The following CDH12 variants were observed in gnomAD, a reference collection of about 807,000 sequenced individuals.
CDH12 encodes the protein cadherin-12.
CDH12 carries 41 observed loss-of-function variants against 74.1 expected under a neutral mutation model. That is an observed-to-expected ratio of 0.55 (90% CI 0.43 to 0.72). The LOEUF is 0.72. Ranked by LOEUF, CDH12 falls within the 30% of genes least tolerant of loss-of-function variation. The pLI is 0.00. For synonymous variants in CDH12, 399 were observed against 355.0 expected, an observed-to-expected ratio of 1.12 and a Z score of -1.39; for missense variants, 945 against 977.2, an observed-to-expected ratio of 0.97 and a Z score of 0.44.
chr5:22,333,742 T>G (rs949238553), intron 3 of CDH12, among the ~76,000 whole-genome samples: 1 of 152,210 alleles, frequency 6.6e-6, no homozygotes, highest in African/African-American at 2.4e-5. Flanking sequence ...AACGATACAC[T>G]AGCAAACTGA....
intron 11 of CDH12, among the ~76,000 whole-genome samples, chr5:21,768,285 T>C (rs1232974549): frequency 1.3e-5 from 2 of 151,838 alleles, no homozygotes; most frequent in East Asian, 3.8e-4. Context: ...TCTATGTTTG[T>C]CCCTTATACC....
intron 5 of CDH12, among the ~76,000 whole-genome samples, chr5:21,988,134 T>TC (rs1757591532): frequency 6.6e-6 from 1 of 151,860 alleles, no homozygotes; most frequent in African/African-American, 2.4e-5. Flanking sequence ...ACTCCCCTCC[T>TC]CCCCCCATAT....
chr5:22,440,900 A>G (rs916056587), intron 2 of CDH12, among the ~76,000 whole-genome samples: 6 of 152,194 alleles, frequency 3.9e-5, no homozygotes, highest in African/African-American at 1.4e-4. Context: ...GGAAATACGG[A>G]CATTTTAAGC....
rs6887102 is a variant in CDH12 at position 22,119,150 on chromosome 5, C to T, written c.-186-40288G>A. Among the ~76,000 whole-genome samples the T allele has an allele frequency of 7.7e-3, 1,173 of 152,224 alleles. 16 individuals carry two copies. The highest frequency in any genetic ancestry group is 0.027 in the African/African-American group (1,113 of 41,540). The stretch of plus-strand genomic sequence containing the variant: ...ATTTCGTTGTCAGGAGTCAGGCAAA[C>T]ACTAAACCTTGCTCAGTTTAAGTCC... On this transcript the variant is annotated intron_variant, in intron 4 of 14. Transcript: ENST00000382254.
At chr5:22,188,163 G>A (rs1243058762) in intron 4 of CDH12, among the ~76,000 whole-genome samples, 1 of 151,644 alleles carries the variant, frequency 6.6e-6, no homozygotes, top group Non-Finnish European at 1.5e-5. Flanking sequence ...GGATGGCTTG[G>A]TGCTGTGATC....
intron 1 of CDH12, among the ~76,000 whole-genome samples, chr5:22,732,392 G>A (rs571437046): frequency 2.0e-5 from 3 of 151,054 alleles, no homozygotes; most frequent in South Asian, 2.1e-4. Flanking sequence ...TAGGTGTTTC[G>A]ACTTCAACAT....
chr5:22,224,134 C>T lies in CDH12; in HGVS notation c.-332-11491G>A, dbSNP rs545127629. Among the ~76,000 whole-genome samples, 7 of 152,036 alleles carry T rather than the reference C, an allele frequency of 4.6e-5. No individual in the cohort carries two copies. In the East Asian group the frequency reaches 1.2e-3, roughly 25 times the overall value. On this transcript the variant is annotated intron_variant, in intron 3 of 14. Coordinates refer to ENST00000382254, the MANE Select transcript of CDH12 (RefSeq NM_004061.5). ...TCCGTAAATTAAGTGTTAGGAAGTG[C>T]CTTATCTGGAACAGAAAACCAGCAA...
chr5:22,713,991 C>T (rs573730386), intron 1 of CDH12, among the ~76,000 whole-genome samples: 2 of 152,282 alleles, frequency 1.3e-5, no homozygotes, highest in African/African-American at 2.4e-5. Flanking sequence ...ACCTTGTTGT[C>T]CTTGTCCTAT....
rs114991153 is a variant in CDH12 at position 22,565,314 on chromosome 5, A to C, written c.-522-59950T>G. 7.0e-3 allele frequency among the ~76,000 whole-genome samples: 1,062 copies of C among 152,200 alleles called. 11 individuals carry two copies. The highest frequency in any genetic ancestry group is 0.025 in the African/African-American group (1,027 of 41,528). On this transcript the variant is annotated intron_variant, in intron 1 of 14. Coordinates refer to ENST00000382254, the MANE Select transcript of CDH12 (RefSeq NM_004061.5). ...TAGTTCTAGGTTTAGTTTTTGAGGA[A>C]TCTCCATAGTCTTCTCCATAGTGGC...
Position 22,018,089 on chromosome 5 carries a change from C to A in CDH12, c.232-42704G>T, listed in dbSNP as rs28494610. On this transcript the variant is annotated intron_variant, in intron 5 of 14. Coordinates refer to ENST00000382254, the MANE Select transcript of CDH12 (RefSeq NM_004061.5). ...CCTTTTAATATTTAGTCCAGGTTAT[C>A]TGCTTTTCTTGGATATTAAGAAACA... Among the ~76,000 whole-genome samples, 873 of 152,154 alleles carry A rather than the reference C, an allele frequency of 5.7e-3. 11 individuals are homozygous for A. The highest frequency in any genetic ancestry group is 0.018 in the African/African-American group (752 of 41,478).
chr5:22,441,790 T>C (rs892848648), intron 2 of CDH12, among the ~76,000 whole-genome samples: 1 of 152,136 alleles, frequency 6.6e-6, no homozygotes, highest in Non-Finnish European at 1.5e-5. Flanking sequence ...CTGCAACCCC[T>C]GCCTCCTGGG....
chr5:22,626,568 A>G (rs1738309786), intron 1 of CDH12, among the ~76,000 whole-genome samples: 1 of 152,156 alleles, frequency 6.6e-6, no homozygotes, highest in South Asian at 2.1e-4. Context: ...AAGGGCATCA[A>G]AGAAGATACC....
chr5:22,034,748 C>T lies in CDH12; in HGVS notation c.231+43698G>A, dbSNP rs556858036. Among the ~76,000 whole-genome samples the T allele has an allele frequency of 3.9e-5, 6 of 151,988 alleles. No individual in the cohort carries two copies. In the South Asian group the frequency reaches 1.2e-3, roughly 32 times the overall value. On this transcript the variant is annotated intron_variant, in intron 5 of 14. Coordinates refer to ENST00000382254, the MANE Select transcript of CDH12 (RefSeq NM_004061.5). The stretch of plus-strand genomic sequence containing the variant: ...CTTCCAGGTGAAAAAAATTCAATTG[C>T]CAATTATCGAAATAATGAAGGAAAA...
chr5:22,128,532 T>A (rs1039890499), intron 4 of CDH12, among the ~76,000 whole-genome samples: 8 of 152,188 alleles, frequency 5.3e-5, no homozygotes, highest in African/African-American at 1.9e-4. Flanking sequence ...AAAAATGTCC[T>A]TCAATTATTT....
At chr5:22,207,879 G>A (rs1429218801) in intron 4 of CDH12, among the ~76,000 whole-genome samples, 1 of 152,092 alleles carries the variant, frequency 6.6e-6, no homozygotes, top group Non-Finnish European at 1.5e-5. Flanking sequence ...CTACTTTACA[G>A]GTAAGGTGAC....
intron 4 of CDH12, among the ~76,000 whole-genome samples, chr5:22,169,157 A>G (rs1748869425): frequency 6.8e-6 from 1 of 146,066 alleles, no homozygotes; most frequent in African/African-American, 2.5e-5. Context: ...TTGCCTCTCA[A>G]TTTCTCTCTA....
chr5:22,823,141 C>A (rs7734780), intron 1 of CDH12, among the ~76,000 whole-genome samples: 5,929 of 150,760 alleles, frequency 0.039, 171 homozygotes, highest in Middle Eastern at 0.1. Context: ...GGACAAAAAA[C>A]CAAACACCGC....
chr5:22,094,323 G>A (rs1010625471), intron 4 of CDH12, among the ~76,000 whole-genome samples: 1 of 152,170 alleles, frequency 6.6e-6, no homozygotes, highest in African/African-American at 2.4e-5. Flanking sequence ...GAGCTCTTGG[G>A]TTGCAGAAAT....
rs1736992442 is a variant in CDH12, at chr5:22,283,257, C to CAT, written c.-332-70615_-332-70614insAT. ...ATATATATATATATATATATACACA[C>CAT]ACACACACACACACACACATATACA... On this transcript the variant is annotated intron_variant, in intron 3 of 14. Transcript: ENST00000382254. Among the ~76,000 whole-genome samples, 20 of 138,456 alleles carry CAT rather than the reference C, an allele frequency of 1.4e-4. 1 individual carries two copies. Among genetic ancestry groups the CAT allele is most frequent in the South Asian group, 1.1e-3 (5 of 4,572 alleles). 90.8% of individuals were successfully genotyped at this position (138,456 alleles called of 152,430 possible).
Sources: allele counts gnomAD v4.1 joint callset (sites outside exome capture counted in the v4.1 genomes callset), GRCh38; gene constraint gnomAD v4.1.1; transcripts MANE v1.5; gene names NCBI Gene and HGNC (gene_info 2026-07-23, HGNC 2026-07-21).